Variants in SAMD8 observed in about 807,000 individuals in gnomAD.
SAMD8 encodes sphingomyelin synthase-related protein 1.
SAMD8 carries 20 observed loss-of-function variants against 42.0 expected under a neutral mutation model. The ratio of observed to expected loss-of-function variants is 0.48; its 90% CI spans 0.34 to 0.69. The LOEUF is 0.69. Ranked by LOEUF, SAMD8 falls within the 30% of genes least tolerant of loss-of-function variation. SAMD8 has a pLI of 0.01. For missense variants in SAMD8, 328 were observed against 511.6 expected (o/e 0.64, Z 3.46); for synonymous variants, 162 against 173.0 (o/e 0.94, Z 0.50).
upstream of SAMD8, chr10:75,108,143 G>A: frequency 2.5e-6 from 4 of 1,613,232 alleles, no homozygotes; most frequent in Non-Finnish European, 3.4e-6. Context: ...AGAGGCCCTT[G>A]TGGGCGGCGT....
chr10:75,119,895 G>A (rs936327040), intron 1 of SAMD8, among the ~76,000 whole-genome samples: 1 of 152,042 alleles, frequency 6.6e-6, no homozygotes, highest in Admixed American at 6.5e-5. Context: ...GTGAAACCTC[G>A]TCTCTACTAA....
At chr10:75,140,307 A>G (rs560589861) in intron 1 of SAMD8, among the ~76,000 whole-genome samples, 1 of 152,150 alleles carries the variant, frequency 6.6e-6, no homozygotes, top group Non-Finnish European at 1.5e-5. Context: ...GTTTTGCCAT[A>G]TTGGCCAGGC....
At chr10:75,105,624 G>A (rs192829557) in intron 1 of SAMD8, 72 of 1,536,084 alleles carry the variant, frequency 4.7e-5, no homozygotes, top group Non-Finnish European at 5.1e-5. Context: ...GGCCTCTTCC[G>A]GCCAACCACA....
upstream of SAMD8, chr10:75,108,889 C>G (rs750645616): frequency 1.7e-4 from 225 of 1,339,440 alleles, no homozygotes; most frequent in Non-Finnish European, 2.2e-4. Context: ...AGGTCCCTGG[C>G]CTGGGATGGT....
upstream of SAMD8, among the ~76,000 whole-genome samples, chr10:75,107,007 CTGAG>C (rs937767461): frequency 9.8e-5 from 15 of 152,304 alleles, no homozygotes; most frequent in African/African-American, 3.6e-4. Flanking sequence ...ATGCTGTATC[CTGAG>C]TATTTGAAGA....
intron 1 of SAMD8, among the ~76,000 whole-genome samples, chr10:75,106,484 G>T (rs184339414): frequency 1.1e-4 from 17 of 152,170 alleles, no homozygotes; most frequent in African/African-American, 3.9e-4. Flanking sequence ...TCCTCCACAG[G>T]CTTTCTTGAC....
At chr10:75,105,863 C>A in intron 1 of SAMD8, 3 of 1,547,464 alleles carry the variant, frequency 1.9e-6, no homozygotes, top group Non-Finnish European at 1.7e-6. Context: ...TGCACCAGGA[C>A]CTTGGCTGAG....
chr10:75,104,949 CT>C (rs1462924286), intron 1 of SAMD8, among the ~76,000 whole-genome samples: 3 of 152,132 alleles, frequency 2.0e-5, no homozygotes, highest in Non-Finnish European at 4.4e-5. Flanking sequence ...GAAAAAGCTA[CT>C]GCTGTTCCAG....
intron 1 of SAMD8, among the ~76,000 whole-genome samples, chr10:75,133,092 T>A (rs1849309674): frequency 6.6e-6 from 1 of 151,954 alleles, no homozygotes; most frequent in Non-Finnish European, 1.5e-5. Flanking sequence ...GAAAACACTG[T>A]GAAGGTTCCT....
intron 1 of SAMD8, among the ~76,000 whole-genome samples, chr10:75,113,917 C>A (rs2097345820): frequency 6.6e-6 from 1 of 152,194 alleles, no homozygotes; most frequent in Admixed American, 6.5e-5. Flanking sequence ...AAGATTACAG[C>A]TTAATGTTAT....
intron 1 of SAMD8, among the ~76,000 whole-genome samples, chr10:75,118,687 A>G (rs1848938307): frequency 6.6e-6 from 1 of 152,218 alleles, no homozygotes; most frequent in Admixed American, 6.5e-5. Context: ...ATAAAGAGAA[A>G]AGAGTAGTTT....
Position 75,170,770 on chromosome 10 carries a change from GTT to G in SAMD8, c.792+2132_792+2133del, listed in dbSNP as rs34290557. Among the ~76,000 whole-genome samples the G allele has an allele frequency of 6.6e-3, 695 of 105,194 alleles. 3 individuals are homozygous for G. Among genetic ancestry groups the G allele is most frequent in the East Asian group, 0.041 (115 of 2,804 alleles). The allele number at this position is 105,194 out of a possible 152,430, so 69.0% of individuals were successfully genotyped here. Reference sequence around the variant, plus strand: ...TACACACTCATATAAGTTTTTTTGGGTTTTTTTTTTTTTTTTTTTTTGAGGTG... The same window carrying G: ...TACACACTCATATAAGTTTTTTTGGGTTTTTTTTTTTTTTTTTTTGAGGTG... On this transcript the variant is annotated intron_variant, in intron 4 of 5. Transcript: ENST00000542569.
chr10:75,167,297 C>T (rs1840709522), intron 3 of SAMD8, among the ~76,000 whole-genome samples: 1 of 152,124 alleles, frequency 6.6e-6, no homozygotes, highest in South Asian at 2.1e-4. Flanking sequence ...TGCCCTGTCA[C>T]CCAGGCTAGA....
At chr10:75,122,303 C>T (rs1849021737) in intron 1 of SAMD8, among the ~76,000 whole-genome samples, 1 of 151,964 alleles carries the variant, frequency 6.6e-6, no homozygotes, top group Non-Finnish European at 1.5e-5. Flanking sequence ...TTAAAATTTT[C>T]TCAGTTTTTA....
chr10:75,130,895 TATAAAG>T (rs1003014187), intron 1 of SAMD8, among the ~76,000 whole-genome samples: 7 of 152,182 alleles, frequency 4.6e-5, no homozygotes, highest in Admixed American at 3.9e-4. Context: ...TAAATAGTAT[TATAAAG>T]ATAAAGTGCT....
chr10:75,147,764 G>C (rs1840176553), intron 1 of SAMD8, among the ~76,000 whole-genome samples: 1 of 152,180 alleles, frequency 6.6e-6, no homozygotes, highest in Admixed American at 6.5e-5. Flanking sequence ...GATATGTATA[G>C]TAGGTAGGGT....
chr10:75,177,682 C>G lies in SAMD8; in HGVS notation c.*990C>G, dbSNP rs1438716441. The G allele has an allele frequency of 5.9e-5, 9 of 152,192 alleles. No individual in the cohort carries two copies. The East Asian group carries it at 1.7e-3, about 29-fold the overall frequency. The allele number at this position is 152,192 out of a possible 1,614,324, so 9.4% of individuals were successfully genotyped here. A position where few individuals can be genotyped will look rare whatever the true frequency, so the allele number is the denominator to read the frequency against. Reference sequence around the variant, plus strand: ...TAACTTTTTGGTTTTTGAAATTTATCATTCTTGGCTGTTGGAAGTAAACAG... The same window carrying G: ...TAACTTTTTGGTTTTTGAAATTTATGATTCTTGGCTGTTGGAAGTAAACAG... On this transcript the variant is annotated 3_prime_UTR_variant, in exon 6 of 6. Transcript: ENST00000542569.
chr10:75,167,541 G>A (rs1840716840), intron 3 of SAMD8, among the ~76,000 whole-genome samples: 1 of 152,094 alleles, frequency 6.6e-6, no homozygotes, highest in South Asian at 2.1e-4. Context: ...TGTTATTAAT[G>A]AGCAAAAAAT....
intron 1 of SAMD8, among the ~76,000 whole-genome samples, chr10:75,147,050 C>T (rs934857489): frequency 7.2e-5 from 11 of 152,108 alleles, no homozygotes; most frequent in African/African-American, 1.9e-4. Flanking sequence ...GAGACTTCCA[C>T]GTATAACTTA....
Sources: gnomAD v4.1 joint callset for allele counts (sites outside exome capture counted in the v4.1 genomes callset) on GRCh38, gnomAD v4.1.1 for gene constraint, MANE v1.5 for transcripts, NCBI Gene and HGNC (gene_info 2026-07-23, HGNC 2026-07-21) for gene names.